The following TBKBP1 variants were observed in gnomAD, a reference collection of about 807,000 sequenced individuals.
The protein encoded by TBKBP1 is TBK1 binding protein 1.
Under a neutral mutation model 69.9 loss-of-function variants are expected in TBKBP1, and 47 were observed. That is an observed-to-expected ratio of 0.67 (90% CI 0.53 to 0.86). TBKBP1 has a LOEUF of 0.86. Ranked by LOEUF, TBKBP1 falls within the 40% of genes least tolerant of loss-of-function variation. The probability of loss-of-function intolerance (pLI) is 0.00; values close to 1 mark genes in which losing one functional copy is unlikely to be tolerated. For synonymous variants in TBKBP1, 418 were observed against 390.3 expected, an observed-to-expected ratio of 1.07 and a Z score of -0.84; for missense variants, 831 against 858.6, an observed-to-expected ratio of 0.97 and a Z score of 0.40.
intron 1 of TBKBP1, among the ~76,000 whole-genome samples, chr17:47,694,900 G>T (rs2031156570): frequency 7.8e-6 from 1 of 128,210 alleles, no homozygotes. Context: ...GGGGGGGGGT[G>T]GATTGAATTG....
At chr17:47,706,840 C>CACAA (rs2031714927) in intron 7 of TBKBP1, among the ~76,000 whole-genome samples, 1 of 146,650 alleles carries the variant, frequency 6.8e-6, no homozygotes, top group Admixed American at 6.6e-5. Context: ...CACACACACA[C>CACAA]ACACACACAC....
intron 7 of TBKBP1, among the ~76,000 whole-genome samples, chr17:47,704,810 T>TAA (rs2031641301): frequency 6.6e-6 from 1 of 152,156 alleles, no homozygotes; most frequent in African/African-American, 2.4e-5. Context: ...TCCAGAAGTG[T>TAA]GTGAGATCTG....
intron 7 of TBKBP1, among the ~76,000 whole-genome samples, chr17:47,704,210 C>A (rs2031619858): frequency 6.6e-6 from 1 of 152,186 alleles, no homozygotes; most frequent in Non-Finnish European, 1.5e-5. Context: ...TTTCTAGACC[C>A]GGGATGTCAG....
Position 47,709,398 on chromosome 17 carries a change from C to T in TBKBP1, c.1665C>T (p.Pro555=), listed in dbSNP as rs1240282405. ...CGGGCTTCCCCATCCCCGAGTCGCC[C>T]GCCGCCACCGCCTACGCCCACGCCG... is the stretch of plus-strand genomic sequence containing the variant. ...FCAGFPIPES[P]AATAYAHAEH... The change falls in exon 9 of 10, where the codon CCC becomes CCT. Residue 555 remains proline, a synonymous_variant. Coordinates refer to ENST00000578982, the MANE Select transcript of TBKBP1 (RefSeq NM_001394755.1). 6.5e-7 allele frequency: 1 copy of T among 1,536,558 alleles called. No homozygotes were observed. The highest frequency in any genetic ancestry group is 2.5e-5 in the East Asian group (1 of 40,400).
chr17:47,697,743 A>G (rs1567904047), intron 4 of TBKBP1, among the ~76,000 whole-genome samples: 1 of 152,044 alleles, frequency 6.6e-6, no homozygotes, highest in South Asian at 2.1e-4. Context: ...AAGGAGTTTG[A>G]GACCAGCCTG....
intron 7 of TBKBP1, among the ~76,000 whole-genome samples, chr17:47,706,282 A>C (rs1032021729): frequency 1.3e-5 from 2 of 151,814 alleles, no homozygotes; most frequent in Non-Finnish European, 2.9e-5. Context: ...CCCTCCAAAA[A>C]CCGCCAGTCT....
At chr17:47,697,348 A>G (rs1019829564) in intron 4 of TBKBP1, among the ~76,000 whole-genome samples, 155 bp downstream of exon 4, 1 of 152,130 alleles carries the variant, frequency 6.6e-6, no homozygotes, top group African/African-American at 2.4e-5. Context: ...GTTCATGTGT[A>G]TCTGTGAGTG....
intron 4 of TBKBP1, among the ~76,000 whole-genome samples, chr17:47,697,975 A>T (rs2031317910): frequency 6.7e-6 from 1 of 150,010 alleles, no homozygotes; most frequent in African/African-American, 2.4e-5. Flanking sequence ...AAAAAAAAAA[A>T]TCAGGAGACA....
chr17:47,701,433 T>C (rs2031500465), intron 7 of TBKBP1, among the ~76,000 whole-genome samples: 2 of 152,114 alleles, frequency 1.3e-5, no homozygotes, highest in Non-Finnish European at 2.9e-5. Context: ...GAAGTCATGA[T>C]GTAGGGCCCT....
In TBKBP1 at chr17:47,708,891, G is replaced by A; in HGVS notation, c.1158G>A (p.Pro386=). 2.9e-6 allele frequency: 4 copies of A among 1,397,694 alleles called. No homozygotes were observed. The highest frequency in any genetic ancestry group is 1.6e-5 in the African/African-American group (1 of 62,768). 86.6% of individuals were successfully genotyped at this position (1,397,694 alleles called of 1,614,324 possible). Residue 386 remains proline (P), a synonymous_variant, in exon 9 of 10, where the codon CCG becomes CCA. Transcript: ENST00000578982. The surrounding 1 kb of genome is among the most constrained non-coding windows in gnomAD (Gnocchi z 4.4). ...PCPSPQQRRS[P]ASPSCPSPVP... ...CCTCGCCGCAGCAGCGCCGCTCTCCGGCCTCACCCTCCTGCCCGTCGCCCG... is the reference window on the plus strand; with the variant it reads ...CCTCGCCGCAGCAGCGCCGCTCTCCAGCCTCACCCTCCTGCCCGTCGCCCG...
chr17:47,704,804 G>GAA (rs10667940), intron 7 of TBKBP1, among the ~76,000 whole-genome samples: 95,751 of 151,876 alleles, frequency 0.63, 30,993 homozygotes, highest in African/African-American at 0.77. Context: ...ATCGTTTCCA[G>GAA]AAGTGTGTGA....
intron 1 of TBKBP1, chr17:47,695,365 A>AC (rs1387557377): frequency 6.6e-6 from 1 of 152,162 alleles, no homozygotes; most frequent in Non-Finnish European, 1.5e-5. Context: ...GTGCGCGGGC[A>AC]CCCTGAGACA....
chr17:47,710,393 A>G (rs2031881461), intron 9 of TBKBP1, 105 bp from the exon 10 acceptor site: 2 of 1,477,730 alleles, frequency 1.4e-6, no homozygotes, highest in South Asian at 1.3e-5. Flanking sequence ...CCCCTCCTGC[A>G]TGCCACAGCC....
intron 1 of TBKBP1, among the ~76,000 whole-genome samples, chr17:47,694,888 A>AGG (rs56069116): frequency 0.013 from 1,670 of 127,620 alleles, 58 homozygotes; most frequent in Admixed American, 0.056. Flanking sequence ...TGGGTGGCGG[A>AGG]GGGGGGGGGG....
At chr17:47,702,017 C>T (rs555671211) in intron 7 of TBKBP1, among the ~76,000 whole-genome samples, 14 of 152,360 alleles carry the variant, frequency 9.2e-5, no homozygotes, top group South Asian at 2.1e-4. Flanking sequence ...TCAGGCCGAG[C>T]GAGCATCTCT....
In TBKBP1 at chr17:47,708,065, G is replaced by A. The variant is rs915663022; in HGVS notation, c.873-329G>A. 7.9e-5 allele frequency among the ~76,000 whole-genome samples: 12 copies of A among 152,230 alleles called. No individual in the cohort carries two copies. The highest frequency in any genetic ancestry group is 1.5e-4 in the Non-Finnish European group (10 of 68,038). On this transcript the variant is annotated intron_variant, in intron 7 of 9. Transcript: ENST00000578982. This position sits in a 1 kb window ranked among gnomAD's most constrained non-coding sequence, Gnocchi z 4.4. Reference sequence around the variant, plus strand: ...GAAAAACATTCACACATACCTGTATGAGCTGTGTTCAGACCACGGACAGTG... The same window carrying A: ...GAAAAACATTCACACATACCTGTATAAGCTGTGTTCAGACCACGGACAGTG...
Position 47,709,322 on chromosome 17 carries a change from C to T in TBKBP1, c.1589C>T (p.Thr530Ile), listed in dbSNP as rs2031834006. The T allele has an allele frequency of 6.6e-7, 1 of 1,525,312 alleles. No homozygotes were observed. The highest frequency in any genetic ancestry group is 2.5e-5 in the East Asian group (1 of 39,766). The allele number at this position is 1,525,312 out of a possible 1,614,324, so 94.5% of individuals were successfully genotyped here. ...PSEEDEWAVP[T>I]SPPSPEVGTI... Reference sequence around the variant, plus strand: ...GAGGAGGACGAGTGGGCTGTGCCCACCAGCCCGCCCAGCCCGGAGGTGGGC... The same window carrying T: ...GAGGAGGACGAGTGGGCTGTGCCCATCAGCCCGCCCAGCCCGGAGGTGGGC... The change falls in exon 9 of 10, where the codon ACC becomes ATC. Residue 530 changes from threonine to isoleucine, a missense_variant. By Grantham distance (89) the Thr-to-Ile change is moderately conservative (BLOSUM62 -1). Coordinates refer to ENST00000578982, the MANE Select transcript of TBKBP1 (RefSeq NM_001394755.1).
intron 7 of TBKBP1, among the ~76,000 whole-genome samples, chr17:47,703,108 GAC>G (rs2031571986): frequency 6.6e-6 from 1 of 152,110 alleles, no homozygotes; most frequent in Non-Finnish European, 1.5e-5. Flanking sequence ...AGAAGATGGG[GAC>G]TCAGTATGGG....
chr17:47,710,753 A>G lies in TBKBP1; in HGVS notation c.*127A>G, dbSNP rs1456520207. 1 of 1,352,576 alleles carries G rather than the reference A, an allele frequency of 7.4e-7. No homozygotes were observed. Among genetic ancestry groups the G allele is most frequent in the Admixed American group, 1.9e-5 (1 of 51,464 alleles). 83.8% of individuals were successfully genotyped at this position (1,352,576 alleles called of 1,614,324 possible). A position where few individuals can be genotyped will look rare whatever the true frequency, so the allele number is the denominator to read the frequency against. On this transcript the variant is annotated 3_prime_UTR_variant, in exon 10 of 10. Coordinates refer to ENST00000578982, the MANE Select transcript of TBKBP1 (RefSeq NM_001394755.1). ...CGACCCCCAGATACCTCCACTTGCTACCGAGTCAACGTGTGTGCCATCTTC... is the reference window on the plus strand; with the variant it reads ...CGACCCCCAGATACCTCCACTTGCTGCCGAGTCAACGTGTGTGCCATCTTC...
Sources: allele counts gnomAD v4.1 joint callset (sites outside exome capture counted in the v4.1 genomes callset), GRCh38; gene constraint gnomAD v4.1.1; non-coding constraint Gnocchi (gnomAD v3.1); transcripts MANE v1.5; gene names NCBI Gene and HGNC (gene_info 2026-07-23, HGNC 2026-07-21).